LIN52: variants seen among roughly 807,000 people sequenced by gnomAD.
LIN52 encodes the protein protein lin-52 homolog.
LIN52 carries 4 observed loss-of-function variants against 18.5 expected under a neutral mutation model. The observed-to-expected ratio is 0.22, with a 90% CI of 0.11 to 0.49. LIN52 has a LOEUF of 0.49. Among genes scored for constraint, LIN52 ranks in the 20% least tolerant of loss-of-function variants. LIN52 has a pLI of 0.97. For missense variants in LIN52, 102 were observed against 139.5 expected (o/e 0.73, Z 1.35); for synonymous variants, 34 against 45.5 (o/e 0.75, Z 1.02).
At chr14:74,185,654 A>G (rs1475243818) in intron 5 of LIN52, among the ~76,000 whole-genome samples, 3 of 152,078 alleles carry the variant, frequency 2.0e-5, no homozygotes, top group African/African-American at 4.8e-5. Flanking sequence ...GTTCCTAATA[A>G]CTAACATAAT....
chr14:74,199,413 G>A lies in LIN52; in HGVS notation c.*436G>A, dbSNP rs2078933473. ...CTCTTAGAAAGTGTTTACGATGTGA[G>A]GAGACCAGAGACCAAGTAGATTCTG... is the stretch of plus-strand genomic sequence containing the variant. On this transcript the variant is annotated 3_prime_UTR_variant, in exon 6 of 6. Coordinates refer to ENST00000555028, the MANE Select transcript of LIN52 (RefSeq NM_001024674.3). 1 of 155,178 alleles carries A rather than the reference G, an allele frequency of 6.4e-6. No homozygotes were observed. The highest frequency in any genetic ancestry group is 2.4e-5 in the African/African-American group (1 of 41,510). The allele number at this position is 155,178 out of a possible 1,614,324, so 9.6% of individuals were successfully genotyped here. A position where few individuals can be genotyped will look rare whatever the true frequency, so the allele number is the denominator to read the frequency against.
chr14:74,130,280 T>G (rs1226189892), intron 5 of LIN52, among the ~76,000 whole-genome samples: 6 of 114,260 alleles, frequency 5.3e-5, no homozygotes, highest in South Asian at 2.7e-4. Context: ...ATTTTTTGGT[T>G]TTTTTTTTTT....
rs71460958 is a variant in LIN52, at chr14:74,130,278, G to GT, written c.283+29058dup. Among the ~76,000 whole-genome samples the GT allele has an allele frequency of 4.8e-3, 312 of 64,794 alleles. 18 individuals carry two copies. The highest frequency in any genetic ancestry group is 9.7e-3 in the East Asian group (21 of 2,174). 42.5% of individuals were successfully genotyped at this position (64,794 alleles called of 152,430 possible). A position where few individuals can be genotyped will look rare whatever the true frequency, so the allele number is the denominator to read the frequency against. ...GAATTTATTAGATAGGCATTTTTTG[G>GT]TTTTTTTTTTTTTTTTTTGAGACAG... On this transcript the variant is annotated intron_variant, in intron 5 of 5. Coordinates refer to ENST00000555028, the MANE Select transcript of LIN52 (RefSeq NM_001024674.3).
intron 5 of LIN52, among the ~76,000 whole-genome samples, chr14:74,147,553 A>G (rs931669578): frequency 2.4e-4 from 37 of 152,348 alleles, no homozygotes; most frequent in African/African-American, 6.7e-4. Flanking sequence ...CTGTGTTCAT[A>G]GTAGCATTAT....
chr14:74,182,452 C>T (rs1398699285), intron 5 of LIN52, among the ~76,000 whole-genome samples: 1 of 122,418 alleles, frequency 8.2e-6, no homozygotes, highest in African/African-American at 2.5e-5. Flanking sequence ...ATCAAATTAT[C>T]AGTTAAATTA....
At chr14:74,135,190 G>A (rs977402341) in intron 5 of LIN52, among the ~76,000 whole-genome samples, 2 of 152,072 alleles carry the variant, frequency 1.3e-5, no homozygotes, top group Middle Eastern at 3.4e-3. Flanking sequence ...TCAGCCTCCC[G>A]AGTAGCTGGT....
At chr14:74,113,403 A>G (rs185464175) in intron 5 of LIN52, among the ~76,000 whole-genome samples, 17 of 152,324 alleles carry the variant, frequency 1.1e-4, no homozygotes, top group Admixed American at 2.6e-4. Context: ...AAAAAAAGGA[A>G]GGAAGGAAAG....
At chr14:74,094,202 A>T (rs920841060) in intron 2 of LIN52, among the ~76,000 whole-genome samples, 1 of 151,796 alleles carries the variant, frequency 6.6e-6, no homozygotes, top group Non-Finnish European at 1.5e-5. Flanking sequence ...GTATGGATAT[A>T]TTATAGTTTA....
chr14:74,124,785 T>A (rs1595165160), intron 5 of LIN52, among the ~76,000 whole-genome samples: 1 of 121,230 alleles, frequency 8.2e-6, no homozygotes, highest in Non-Finnish European at 1.6e-5. Flanking sequence ...CACCCCAGCC[T>A]GGGTGACAGA....
chr14:74,119,843 T>TC (rs1047525900), intron 5 of LIN52, among the ~76,000 whole-genome samples: 2 of 151,850 alleles, frequency 1.3e-5, no homozygotes, highest in African/African-American at 4.8e-5. Flanking sequence ...ATTCTTTTTT[T>TC]TTTTTTTTTT....
At chr14:74,104,542 T>A (rs2060884814) in intron 5 of LIN52, among the ~76,000 whole-genome samples, 1 of 151,918 alleles carries the variant, frequency 6.6e-6, no homozygotes, top group Non-Finnish European at 1.5e-5. Flanking sequence ...CCTATCCCTT[T>A]TTTATCTGCT....
intron 5 of LIN52, among the ~76,000 whole-genome samples, chr14:74,173,004 A>G (rs1318524078): frequency 1.3e-5 from 2 of 152,226 alleles, no homozygotes; most frequent in East Asian, 3.8e-4. Context: ...TTAAAAAAAG[A>G]AACTATCAAT....
At chr14:74,181,435 CA>C (rs35376861) in intron 5 of LIN52, among the ~76,000 whole-genome samples, 333 of 108,346 alleles carry the variant, frequency 3.1e-3, no homozygotes, top group Non-Finnish European at 2.9e-3. Context: ...AAGACCCTGT[CA>C]AAAAAAAAAA....
chr14:74,090,428 C>G (rs6574161), intron 1 of LIN52, among the ~76,000 whole-genome samples: 1 of 151,828 alleles, frequency 6.6e-6, no homozygotes, highest in Non-Finnish European at 1.5e-5. Context: ...CTCTGCCTCC[C>G]GGGTTTAAGC....
At chr14:74,123,429 A>G (rs1051883132) in intron 5 of LIN52, among the ~76,000 whole-genome samples, 1 of 152,192 alleles carries the variant, frequency 6.6e-6, no homozygotes. Context: ...GCTTAGGTGT[A>G]TATAGGAAGA....
chr14:74,103,339 A>G (rs1339291174), intron 5 of LIN52, among the ~76,000 whole-genome samples: 2 of 152,058 alleles, frequency 1.3e-5, no homozygotes, highest in Non-Finnish European at 2.9e-5. Context: ...TTGGCCTCCC[A>G]AAGTGCTGAG....
At chr14:74,086,011 A>AT (rs372157745) in intron 1 of LIN52, among the ~76,000 whole-genome samples, 2,170 of 148,228 alleles carry the variant, frequency 0.015, 27 homozygotes, top group South Asian at 0.032. Context: ...ACATATAAAC[A>AT]TTTTTTTTTT....
intron 5 of LIN52, among the ~76,000 whole-genome samples, chr14:74,182,105 G>A (rs184368931): frequency 1.3e-5 from 2 of 152,310 alleles, no homozygotes; most frequent in Admixed American, 1.3e-4. Flanking sequence ...CTGCCTCCCA[G>A]GCTCAAGCAG....
rs143149943 is a variant in LIN52, at chr14:74,166,457, C to T, written c.284-32465C>T. 2.8e-3 allele frequency among the ~76,000 whole-genome samples: 421 copies of T among 151,442 alleles called. 3 individuals are homozygous for T. The highest frequency in any genetic ancestry group is 9.9e-3 in the African/African-American group (410 of 41,278). On this transcript the variant is annotated intron_variant, in intron 5 of 5. Transcript: ENST00000555028. ...CGCGAACTCCTGACCTCAGGTGATC[C>T]GCCCACTTGCCTCCCAAAGTGCTGG...
Sources: allele counts gnomAD v4.1 joint callset (sites outside exome capture counted in the v4.1 genomes callset), GRCh38; gene constraint gnomAD v4.1.1; transcripts MANE v1.5; gene names NCBI Gene and HGNC (gene_info 2026-07-23, HGNC 2026-07-21).